Variants in MGA observed in about 807,000 individuals in gnomAD.
MGA encodes MAX dimerization protein MGA, also known as MAX gene-associated protein.
In MGA, 40 loss-of-function variants were observed where a neutral mutation model predicts 261.1. That is an observed-to-expected ratio of 0.15 (90% CI 0.12 to 0.20). MGA has a LOEUF of 0.20. Ranked by LOEUF, MGA falls within the 10% of genes least tolerant of loss-of-function variation. The pLI, the probability that MGA is intolerant of heterozygous loss-of-function variation, is 1.00. For missense variants in MGA, 3,397 were observed against 3,630.5 expected, an observed-to-expected ratio of 0.94 and a Z score of 1.65; for synonymous variants, 1,302 against 1,290.6, an observed-to-expected ratio of 1.01 and a Z score of -0.19.
At chr15:41,709,142 T>C (rs1381770925) in intron 7 of MGA, among the ~76,000 whole-genome samples, 1 of 152,010 alleles carries the variant, frequency 6.6e-6, no homozygotes, top group African/African-American at 2.4e-5. Context: ...AGCTCAGGAA[T>C]TCGAGACCAG....
intron 5 of MGA, among the ~76,000 whole-genome samples, chr15:41,704,621 G>A (rs954766540): frequency 6.6e-6 from 1 of 152,202 alleles, no homozygotes; most frequent in Non-Finnish European, 1.5e-5. Flanking sequence ...TCGTGCCACT[G>A]CACTCCAGCC....
intron 7 of MGA, 98 bp from the exon 8 acceptor site, chr15:41,710,593 C>CT: frequency 4.2e-6 from 5 of 1,194,198 alleles, no homozygotes; most frequent in Non-Finnish European, 5.8e-6. Flanking sequence ...GATTCACTAT[C>CT]TTGTAGCTCA....
chr15:41,696,173 A>G lies in MGA; in HGVS notation c.1163A>G (p.Asp388Gly), dbSNP rs1261416543. 1.2e-6 allele frequency: 2 copies of G among 1,613,998 alleles called. No individual in the cohort carries two copies. The highest frequency in any genetic ancestry group is 1.7e-6 in the Non-Finnish European group (2 of 1,179,890). ...GTTATTAAAGAGGAACCTCTAGATG[A>G]TTATGACTACGAACTTGGTGAGTGC... The change falls in exon 3 of 24, where the codon GAT becomes GGT. Residue 388 changes from aspartate to glycine, a missense_variant. By Grantham distance (94) the Asp-to-Gly change is moderately conservative. This residue lies in a region of MGA where 563 missense variants were observed against 563.6 expected (regional missense o/e 1.00). Transcript: ENST00000219905.
rs2062701048 is a variant in MGA at position 41,749,354 on chromosome 15, C to T, written c.5747C>T (p.Thr1916Ile). The T allele has an allele frequency of 6.2e-7, 1 of 1,613,892 alleles. No individual in the cohort carries two copies. The highest frequency in any genetic ancestry group is 1.7e-5 in the Admixed American group (1 of 59,994). Reference sequence around the variant, plus strand: ...GAACCACAAAGCTTTGCAAGTAAAACAGGCTCTGAAACCAAAATAACTTAT... The same window carrying T: ...GAACCACAAAGCTTTGCAAGTAAAATAGGCTCTGAAACCAAAATAACTTAT... The change falls in exon 17 of 24, where the codon ACA becomes ATA. Residue 1916 changes from threonine to isoleucine, a missense_variant. By Grantham distance (89) the Thr-to-Ile change is moderately conservative (BLOSUM62 -1). Coordinates refer to ENST00000219905, the MANE Select transcript of MGA (RefSeq NM_001164273.2).
Position 41,761,867 on chromosome 15 carries a change from ATC to A in MGA, c.7510+21_7510+22del, listed in dbSNP as rs771815093. On this transcript the variant is annotated intron_variant, in intron 21 of 23. Coordinates refer to ENST00000219905, the MANE Select transcript of MGA (RefSeq NM_001164273.2). ...CTCTTTCAGGTGAGATAAGTAAATA[ATC>A]TCTGGTAAAGAGCATAATTATAGCT... is the stretch of plus-strand genomic sequence containing the variant. 1.2e-5 allele frequency: 18 copies of A among 1,476,642 alleles called. No individual in the cohort carries two copies. Among genetic ancestry groups the A allele is most frequent in the Non-Finnish European group, 1.7e-5 (18 of 1,078,064 alleles). 91.5% of individuals were successfully genotyped at this position (1,476,642 alleles called of 1,614,324 possible). A position where few individuals can be genotyped will look rare whatever the true frequency, so the allele number is the denominator to read the frequency against.
intron 19 of MGA, 39 bp from the exon 20 acceptor site, chr15:41,760,284 C>A (rs2151989365): frequency 6.3e-7 from 1 of 1,594,622 alleles, no homozygotes; most frequent in South Asian, 1.1e-5. Context: ...GGGCCAACTA[C>A]ATGTTCAAGA....
chr15:41,657,992 C>T (rs1032860845), upstream of MGA, among the ~76,000 whole-genome samples: 1 of 152,086 alleles, frequency 6.6e-6, no homozygotes, highest in Non-Finnish European at 1.5e-5. Context: ...GCCAGCCTTT[C>T]CCCTATCCTC....
chr15:41,644,664 GGAAAA>G (rs2056899281), intron 1 of MGA, among the ~76,000 whole-genome samples: 1 of 151,810 alleles, frequency 6.6e-6, no homozygotes. Context: ...AAAAAAAAGA[GGAAAA>G]GAAAAAATAT....
In MGA at chr15:41,708,110, G is replaced by A. The variant is rs372771401; in HGVS notation, c.2327G>A (p.Gly776Glu). ...TTGACTTTTTCTTTTATAGATGCGG[G>A]ATTTCCCTTTGTTTCTAGGACAGGG... The change falls in exon 7 of 24, where the codon GGA becomes GAA. Residue 776 changes from glycine (G) to glutamate (E), a missense_variant. Gly to Glu is a moderately conservative substitution (Grantham distance 98). Around this residue, in one of 9 missense-constraint regions of MGA, gnomAD observed 519 missense variants for 554.1 expected, o/e 0.94. Coordinates refer to ENST00000219905, the MANE Select transcript of MGA (RefSeq NM_001164273.2). The A allele has an allele frequency of 1.5e-5, 24 of 1,578,996 alleles. No homozygotes were observed. Among genetic ancestry groups the A allele is most frequent in the Non-Finnish European group, 2.0e-5 (23 of 1,162,716 alleles).
At chr15:41,641,384 T>TGCTTAAC (rs1309946724) in intron 1 of MGA, among the ~76,000 whole-genome samples, 2 of 152,180 alleles carry the variant, frequency 1.3e-5, no homozygotes, top group African/African-American at 4.8e-5. Context: ...GGTATCTCCA[T>TGCTTAAC]GCTTAACTTC....
chr15:41,630,666 G>A (rs1251559806), intron 1 of MGA, among the ~76,000 whole-genome samples: 3 of 152,116 alleles, frequency 2.0e-5, no homozygotes, highest in Non-Finnish European at 4.4e-5. Context: ...TATTCTCTAG[G>A]GCTGAATAAT....
rs545113454 is a variant in MGA, at chr15:41,711,141, T to C, written c.2876T>C (p.Leu959Ser). 4.5e-5 allele frequency: 73 copies of C among 1,614,022 alleles called. 1 individual carries two copies. The South Asian group carries it at 7.6e-4, about 17-fold the overall frequency. Residue 959 changes from leucine to serine, a missense_variant, in exon 8 of 24, where the codon TTG becomes TCG. Physicochemically the swap from Leu to Ser is moderately radical, Grantham distance 145. Coordinates refer to ENST00000219905, the MANE Select transcript of MGA (RefSeq NM_001164273.2). ...GCGAATAACTTTGTTGTGCCAACTT[T>C]GGATGAAAATATATTTCCAAAGCAG...
In MGA at chr15:41,727,223, A is replaced by G. The variant is rs61736067; in HGVS notation, c.3474A>G (p.Pro1158=). Residue 1158 remains proline, a synonymous_variant, in exon 10 of 24, where the codon CCA becomes CCG. Coordinates refer to ENST00000219905, the MANE Select transcript of MGA (RefSeq NM_001164273.2). ...CTGAACAGCCTGTTCGACATTACCC[A>G]TTATGGGTAAAAGTAGAAGGTGAAG... 3,908 of 1,613,880 alleles carry G rather than the reference A, an allele frequency of 2.4e-3. 84 individuals carry two copies. The African/African-American group carries it at 0.046, about 19-fold the overall frequency.
chr15:41,661,629 C>T (rs2057407962), intron 1 of MGA, among the ~76,000 whole-genome samples: 1 of 152,174 alleles, frequency 6.6e-6, no homozygotes, highest in Admixed American at 6.5e-5. Context: ...CAAGGTTCGC[C>T]TCGCCGGAGC....
chr15:41,673,544 T>C (rs35714979), intron 2 of MGA, among the ~76,000 whole-genome samples: 29,478 of 137,358 alleles, frequency 0.21, 3,491 homozygotes, highest in Middle Eastern at 0.38. Flanking sequence ...TTCTTTCTTT[T>C]TTTTTTTTTT....
chr15:41,675,680 T>C (rs185132477), intron 2 of MGA, among the ~76,000 whole-genome samples: 42 of 152,326 alleles, frequency 2.8e-4, no homozygotes, highest in Middle Eastern at 3.4e-3. Flanking sequence ...CCCGGCTCTT[T>C]AGAGGCTTCT....
At chr15:41,728,298 T>C (rs1376666083) in intron 10 of MGA, among the ~76,000 whole-genome samples, 5 of 152,182 alleles carry the variant, frequency 3.3e-5, no homozygotes, top group South Asian at 4.1e-4. Context: ...TCCACTGCAT[T>C]CCAGCCTGGA....
intron 18 of MGA, 88 bp downstream of exon 18, chr15:41,754,655 C>T: frequency 7.3e-7 from 1 of 1,367,586 alleles, no homozygotes. Context: ...CTCTGGGTAA[C>T]TCATCTGGTT....
At chr15:41,756,738 G>A (rs1267721275) in intron 18 of MGA, among the ~76,000 whole-genome samples, 1 of 152,096 alleles carries the variant, frequency 6.6e-6, no homozygotes, top group Non-Finnish European at 1.5e-5. Context: ...CATATCTCAG[G>A]TGTAATTTAT....
Sources: gnomAD v4.1 joint callset for allele counts (sites outside exome capture counted in the v4.1 genomes callset) on GRCh38, gnomAD v4.1.1 for gene constraint, gnomAD v4.1.1 regional missense constraint, MANE v1.5 for transcripts, NCBI Gene and HGNC (gene_info 2026-07-23, HGNC 2026-07-21) for gene names.